The following CALN1 variants were observed in gnomAD, a reference collection of about 807,000 sequenced individuals.
CALN1 encodes calcium-binding protein 8.
A neutral mutation model predicts 30.6 loss-of-function variants in CALN1; 17 were observed. The observed-to-expected ratio is 0.56, with a 90% CI of 0.38 to 0.83. The LOEUF (loss-of-function observed/expected upper bound fraction) is 0.83, where lower values mean the gene tolerates loss of function less well. Ranked by LOEUF, CALN1 falls within the 40% of genes least tolerant of loss-of-function variation. CALN1 has a pLI of 0.00. For missense variants in CALN1, 291 were observed against 354.9 expected (o/e 0.82, Z 1.45); for synonymous variants, 156 against 131.4 (o/e 1.19, Z -1.28).
At chr7:72,180,761 C>T (rs1256374398) in intron 3 of CALN1, among the ~76,000 whole-genome samples, 3 of 151,610 alleles carry the variant, frequency 2.0e-5, no homozygotes, top group African/African-American at 7.3e-5. Context: ...ACCTACCACG[C>T]CGGGCTTGTT....
intron 4 of CALN1, among the ~76,000 whole-genome samples, chr7:72,093,886 G>C (rs1806039154): frequency 6.6e-6 from 1 of 152,084 alleles, no homozygotes; most frequent in Admixed American, 6.5e-5. Context: ...AAAAGGAGTG[G>C]GACCTGAGAT....
the CALN1 span, among the ~76,000 whole-genome samples, chr7:72,466,737 G>A: frequency 6.7e-6 from 1 of 149,074 alleles, no homozygotes; most frequent in Non-Finnish European, 1.5e-5. Context: ...AGTGAGACTC[G>A]GGAAAGAAAG....
chr7:71,845,986 G>A lies in CALN1; in HGVS notation c.502-35494C>T, dbSNP rs189554810. Among the ~76,000 whole-genome samples, 790 of 152,268 alleles carry A rather than the reference G, an allele frequency of 5.2e-3. 2 individuals carry two copies. The highest frequency in any genetic ancestry group is 7.8e-3 in the Non-Finnish European group (533 of 68,022). Reference sequence around the variant, plus strand: ...GAGAATCACTTGAACCTGGGAGGCGGAGGTTGCCGTGAGCTGAGATTCCAC... The same window carrying A: ...GAGAATCACTTGAACCTGGGAGGCGAAGGTTGCCGTGAGCTGAGATTCCAC... On this transcript the variant is annotated intron_variant, in intron 5 of 6. Coordinates refer to ENST00000395275, the MANE Select transcript of CALN1 (RefSeq NM_031468.4).
In CALN1 at chr7:71,869,413, T is replaced by C. The variant is rs930525470; in HGVS notation, c.502-58921A>G. Among the ~76,000 whole-genome samples, 4 of 152,068 alleles carry C rather than the reference T, an allele frequency of 2.6e-5. No homozygotes were observed. In the East Asian group the frequency reaches 5.8e-4, roughly 22 times the overall value. ...TTTTAGTAGAAACGGTGTTTCACCATATTAGCCAGGCTGGTCTCGAACTCC... is the reference window on the plus strand; with the variant it reads ...TTTTAGTAGAAACGGTGTTTCACCACATTAGCCAGGCTGGTCTCGAACTCC... On this transcript the variant is annotated intron_variant, in intron 5 of 6. Coordinates refer to ENST00000395275, the MANE Select transcript of CALN1 (RefSeq NM_031468.4).
At chr7:72,363,219 T>C (rs1486315229) in intron 2 of CALN1, among the ~76,000 whole-genome samples, 1 of 150,094 alleles carries the variant, frequency 6.7e-6, no homozygotes, top group Non-Finnish European at 1.5e-5. Flanking sequence ...TGTTCCCTTC[T>C]GTGAGATTAT....
intron 2 of CALN1, among the ~76,000 whole-genome samples, chr7:72,368,107 C>T (rs983022506): frequency 1.3e-5 from 2 of 151,486 alleles, no homozygotes; most frequent in African/African-American, 4.9e-5. Flanking sequence ...GGCGACAAAG[C>T]GAAGACTCCG....
intron 2 of CALN1, among the ~76,000 whole-genome samples, chr7:72,317,337 G>A (rs776659128): frequency 2.0e-5 from 3 of 152,226 alleles, no homozygotes; most frequent in Non-Finnish European, 4.4e-5. Flanking sequence ...AAGCAAAAAT[G>A]AGACAGCAGC....
At position 71,810,293 on chromosome 7, in the gene CALN1, GCCTGT is replaced by G. The variant is rs771562213; in HGVS notation, c.658+38_658+42del. The G allele has an allele frequency of 3.4e-5, 54 of 1,597,830 alleles. No individual in the cohort carries two copies. The Admixed American group carries it at 4.2e-4, about 13-fold the overall frequency. ...TTCATATAGAGAGTGTGGTGCATTG[GCCTGT>G]CCCGGACCGGGGAGGGGATGGCAGC... On this transcript the variant is annotated intron_variant, in intron 6 of 6. Coordinates refer to ENST00000395275, the MANE Select transcript of CALN1 (RefSeq NM_031468.4).
intron 2 of CALN1, among the ~76,000 whole-genome samples, chr7:72,341,852 G>A (rs1441781882): frequency 6.6e-6 from 1 of 152,120 alleles, no homozygotes; most frequent in Non-Finnish European, 1.5e-5. Flanking sequence ...AATGTTGGCT[G>A]TTGTTACAAG....
intron 5 of CALN1, among the ~76,000 whole-genome samples, chr7:71,997,070 C>A (rs1387796651): frequency 6.6e-6 from 1 of 151,836 alleles, no homozygotes; most frequent in Non-Finnish European, 1.5e-5. Flanking sequence ...TCTACAAAAA[C>A]AAATTTAAAT....
intron 5 of CALN1, among the ~76,000 whole-genome samples, chr7:71,881,804 G>C (rs1459504554): frequency 6.6e-6 from 1 of 152,082 alleles, no homozygotes; most frequent in African/African-American, 2.4e-5. Context: ...TGAGCACAGT[G>C]GCTCATGCCT....
At chr7:72,289,006 G>A (rs1002815714) in intron 2 of CALN1, among the ~76,000 whole-genome samples, 17 of 152,270 alleles carry the variant, frequency 1.1e-4, no homozygotes, top group Non-Finnish European at 2.4e-4. Context: ...GCTATAAATG[G>A]CAAGCTTTCT....
chr7:72,335,955 T>G (rs1353900098), intron 2 of CALN1, among the ~76,000 whole-genome samples: 1 of 152,134 alleles, frequency 6.6e-6, no homozygotes, highest in African/African-American at 2.4e-5. Context: ...GCTGCGCTAG[T>G]CCGGAGAAAC....
At chr7:72,181,096 A>AGCCC (rs1789755682) in intron 3 of CALN1, among the ~76,000 whole-genome samples, 2 of 74,618 alleles carry the variant, frequency 2.7e-5, no homozygotes, top group African/African-American at 5.2e-5. Flanking sequence ...AAACTGCATA[A>AGCCC]CCCCCCCCCC....
chr7:71,817,258 T>A (rs1365152152), intron 5 of CALN1, among the ~76,000 whole-genome samples: 1 of 152,236 alleles, frequency 6.6e-6, no homozygotes, highest in Non-Finnish European at 1.5e-5. Context: ...ATTTTCATTA[T>A]CATTAGTATG....
chr7:71,873,810 A>G (rs1442500514), intron 5 of CALN1, among the ~76,000 whole-genome samples: 2 of 152,250 alleles, frequency 1.3e-5, no homozygotes, highest in African/African-American at 2.4e-5. Context: ...TCTACAGGGG[A>G]AAAATGACAC....
At chr7:72,404,092 T>A (rs574549664) in intron 1 of CALN1, among the ~76,000 whole-genome samples, 37 of 152,222 alleles carry the variant, frequency 2.4e-4, no homozygotes, top group Non-Finnish European at 4.4e-4. Context: ...CTCTCTGGTA[T>A]CGTTACCACC....
At chr7:72,025,592 C>T (rs957122511) in intron 4 of CALN1, among the ~76,000 whole-genome samples, 1 of 152,256 alleles carries the variant, frequency 6.6e-6, no homozygotes, top group African/African-American at 2.4e-5. Context: ...GCCAACTCAA[C>T]AGACAAGAGC....
chr7:71,896,444 G>A (rs1173819997), intron 5 of CALN1, among the ~76,000 whole-genome samples: 3 of 152,144 alleles, frequency 2.0e-5, no homozygotes, highest in Admixed American at 2.0e-4. Context: ...AGGTTAAAAT[G>A]GAATCATGCT....
Sources: allele counts gnomAD v4.1 joint callset (sites outside exome capture counted in the v4.1 genomes callset), GRCh38; gene constraint gnomAD v4.1.1; transcripts MANE v1.5; gene names NCBI Gene and HGNC (gene_info 2026-07-23, HGNC 2026-07-21).